The following CAPN3 variants were observed in gnomAD, a reference collection of about 807,000 sequenced individuals.
The protein encoded by CAPN3 is calpain 3.
CAPN3 carries 88 observed loss-of-function variants against 114.0 expected under a neutral mutation model. That is an observed-to-expected ratio of 0.77 (90% confidence interval 0.65 to 0.92). The LOEUF (loss-of-function observed/expected upper bound fraction) is 0.92. CAPN3 is among the 40% of genes least tolerant of loss of function. The pLI is 0.00. For missense variants in CAPN3, 1,028 were observed against 1,069.0 expected (o/e 0.96, Z 0.53); for synonymous variants, 386 against 382.9 (o/e 1.01, Z -0.09).
intron 2 of CAPN3, chr15:42,385,788 A>C (rs751730846): frequency 1.9e-6 from 1 of 530,650 alleles, no homozygotes; most frequent in Non-Finnish European, 3.7e-6. Context: ...AATTGGACTC[A>C]CATTGCAAAG....
chr15:42,401,518 T>G, intron 10 of CAPN3, 123 bp from the exon 11 acceptor site: 2 of 529,680 alleles, frequency 3.8e-6, no homozygotes, highest in Non-Finnish European at 6.7e-6. Context: ...GAATCGTGTT[T>G]TCTGTTGATA....
intron 1 of CAPN3, among the ~76,000 whole-genome samples, chr15:42,369,474 C>T (rs915563327): frequency 2.6e-5 from 4 of 151,718 alleles, no homozygotes; most frequent in Non-Finnish European, 5.9e-5. Context: ...TGCATTCCAG[C>T]CTGAGTGACA....
chr15:42,359,799 A>T lies in CAPN3; in HGVS notation c.-7A>T. 1.2e-6 allele frequency: 2 copies of T among 1,613,238 alleles called. No homozygotes were observed. Among genetic ancestry groups the T allele is most frequent in the Non-Finnish European group, 1.7e-6 (2 of 1,180,020 alleles). ...TTAAAAAGCTTTTTCTTCCAAAGCC[A>T]CTTGCCATGCCGACCGTCATTAGCG... is the stretch of plus-strand genomic sequence containing the variant. On this transcript the variant is annotated 5_prime_UTR_variant, in exon 1 of 24. Transcript: ENST00000397163.
At chr15:42,404,378 C>T (rs1396376527) in intron 14 of CAPN3, 2 of 456,492 alleles carry the variant, frequency 4.4e-6, no homozygotes, top group Non-Finnish European at 8.8e-6. Flanking sequence ...AGGTACTTTT[C>T]ACATGTGTCA....
In CAPN3 at chr15:42,401,271, G is replaced by T. The variant is rs150767125; in HGVS notation, c.1355-370G>T. ...TGCGCGTGTAGGGGGCAGTTAAAAAGCAGAAGTAAGAAAGATTGCCTAGGG... is the reference window on the plus strand; with the variant it reads ...TGCGCGTGTAGGGGGCAGTTAAAAATCAGAAGTAAGAAAGATTGCCTAGGG... On this transcript the variant is annotated intron_variant, in intron 10 of 23. Coordinates refer to ENST00000397163, the MANE Select transcript of CAPN3 (RefSeq NM_000070.3). Among the ~76,000 whole-genome samples, 228 of 152,064 alleles carry T rather than the reference G, an allele frequency of 1.5e-3. 1 individual carries two copies. The highest frequency in any genetic ancestry group is 5.3e-3 in the African/African-American group (219 of 41,446).
intron 1 of CAPN3, among the ~76,000 whole-genome samples, chr15:42,366,373 C>A (rs1307662176): frequency 2.0e-5 from 3 of 152,176 alleles, no homozygotes; most frequent in African/African-American, 4.8e-5. Context: ...TGCCCCTTCC[C>A]AAGGTCCTCA....
chr15:42,392,603 C>A, intron 6 of CAPN3, 36 bp from the exon 7 acceptor site: 1 of 1,537,918 alleles, frequency 6.5e-7, no homozygotes, highest in Non-Finnish European at 9.0e-7. Context: ...TTCTGTTCCC[C>A]CGCCCCTAAT....
At chr15:42,385,516 A>G (rs1397810126) in intron 2 of CAPN3, among the ~76,000 whole-genome samples, 1 of 149,870 alleles carries the variant, frequency 6.7e-6, no homozygotes, top group Non-Finnish European at 1.5e-5. Context: ...CCTATTATAT[A>G]TATATATACA....
In CAPN3 at chr15:42,408,343, T is replaced by A; in HGVS notation, c.1914+19T>A. The A allele has an allele frequency of 6.6e-7, 1 of 1,515,172 alleles. No homozygotes were observed. The highest frequency in any genetic ancestry group is 1.1e-5 in the South Asian group (1 of 89,116). The allele number at this position is 1,515,172 out of a possible 1,614,324, so 93.9% of individuals were successfully genotyped here. On this transcript the variant is annotated intron_variant, in intron 16 of 23. Coordinates refer to ENST00000397163, the MANE Select transcript of CAPN3 (RefSeq NM_000070.3). ...CCCACAGGTGTCTGGGCATGTGGCA[T>A]GGGTGGGGTGGCCAGCACGCTACAG...
At chr15:42,398,664 CAT>C (rs921615891) in intron 9 of CAPN3, among the ~76,000 whole-genome samples, 11 of 141,386 alleles carry the variant, frequency 7.8e-5, no homozygotes, top group South Asian at 2.2e-4. Flanking sequence ...TATACACACA[CAT>C]ATACACACAC....
rs1026642848 is a variant in CAPN3, at chr15:42,394,324, C to T, written c.1098C>T (p.Asn366=). The change falls in exon 8 of 24, where the codon AAC becomes AAT. Residue 366 remains asparagine, a synonymous_variant. Coordinates refer to ENST00000397163, the MANE Select transcript of CAPN3 (RefSeq NM_000070.3). ...LRNPWGQVEW[N]GSWSDRWKDW... is the part of the protein sequence containing the mutation. ...ATCCGTGGGGCCAGGTGGAGTGGAA[C>T]GGTTCTTGGAGTGATAGGTAGGTGA... 1.0e-5 allele frequency: 16 copies of T among 1,561,098 alleles called. No individual in the cohort carries two copies. Among genetic ancestry groups the T allele is most frequent in the Non-Finnish European group, 1.3e-5 (15 of 1,152,086 alleles).
chr15:42,369,842 A>G (rs2052891915), intron 1 of CAPN3, among the ~76,000 whole-genome samples: 1 of 151,044 alleles, frequency 6.6e-6, no homozygotes, highest in Non-Finnish European at 1.5e-5. Flanking sequence ...GCACTTGGCC[A>G]TCGCATCAGC....
At chr15:42,387,993 A>G in intron 4 of CAPN3, 107 bp downstream of exon 4, 1 of 1,360,724 alleles carries the variant, frequency 7.3e-7, no homozygotes, top group South Asian at 1.2e-5. Flanking sequence ...CTATACGTGC[A>G]TATGTGTGGG....
chr15:42,402,843 C>T lies in CAPN3; in HGVS notation c.1586C>T (p.Ala529Val). The T allele has an allele frequency of 1.9e-6, 3 of 1,614,200 alleles. No homozygotes were observed. Among genetic ancestry groups the T allele is most frequent in the Non-Finnish European group, 2.5e-6 (3 of 1,180,028 alleles). The change falls in exon 13 of 24, where the codon GCC (alanine) becomes GTC (valine). Residue 529 changes from alanine to valine, a missense_variant. Ala to Val is a moderately conservative substitution (Grantham distance 64). Coordinates refer to ENST00000397163, the MANE Select transcript of CAPN3 (RefSeq NM_000070.3). ...CAGAAGGACTTCTTCCTGTACAACG[C>T]CTCCAAGGCCAGGAGCAAAACCTAC... ...HLQKDFFLYN[A>V]SKARSKTYIN...
chr15:42,394,288 G>A lies in CAPN3; in HGVS notation c.1062G>A (p.Val354=), dbSNP rs776793553. Residue 354 remains valine, a synonymous_variant, in exon 8 of 24, where the codon GTG becomes GTA. Transcript: ENST00000397163. ...TCAAAGGTGAGAAAGTGAAGCTGGT[G>A]CGGCTGCGGAATCCGTGGGGCCAGG... is the stretch of plus-strand genomic sequence containing the variant. ...VPFKGEKVKL[V]RLRNPWGQVE... The A allele has an allele frequency of 6.4e-6, 10 of 1,562,654 alleles. No homozygotes were observed. The South Asian group carries it at 1.1e-4, about 17-fold the overall frequency.
chr15:42,410,095 C>A, intron 19 of CAPN3, 100 bp downstream of exon 19: 1 of 1,082,956 alleles, frequency 9.2e-7, no homozygotes, highest in Non-Finnish European at 1.4e-6. Context: ...CTAATTTGTG[C>A]CCAGGGAAAC....
intron 16 of CAPN3, 31 bp from the exon 17 acceptor site, chr15:42,409,272 T>G: frequency 6.3e-7 from 1 of 1,587,842 alleles, no homozygotes; most frequent in Non-Finnish European, 8.6e-7. Context: ...CTCTGACCCC[T>G]GTGAACCAGT....
At chr15:42,405,865 G>A in intron 14 of CAPN3, 61 bp from the exon 15 acceptor site, 1 of 1,396,228 alleles carries the variant, frequency 7.2e-7, no homozygotes, top group East Asian at 2.3e-5. Context: ...AAAAGCCACT[G>A]GCGGTTCTGA....
chr15:42,372,923 T>C (rs1370511146), intron 1 of CAPN3, among the ~76,000 whole-genome samples: 3 of 152,076 alleles, frequency 2.0e-5, no homozygotes, highest in African/African-American at 4.8e-5. Context: ...CCACGGTGGC[T>C]CACACCTGCA....
Sources: allele counts gnomAD v4.1 joint callset (sites outside exome capture counted in the v4.1 genomes callset), GRCh38; gene constraint gnomAD v4.1.1; transcripts MANE v1.5; gene names NCBI Gene and HGNC (gene_info 2026-07-23, HGNC 2026-07-21).